FAM135B: variants seen among roughly 807,000 people sequenced by gnomAD.
FAM135B encodes the protein protein FAM135B.
FAM135B carries 43 observed loss-of-function variants against 127.7 expected under a neutral mutation model. The ratio of observed to expected loss-of-function variants is 0.34; its 90% CI spans 0.26 to 0.43. The LOEUF (loss-of-function observed/expected upper bound fraction) is 0.43. Among genes scored for constraint, FAM135B ranks in the 20% least tolerant of loss-of-function variants. FAM135B has a pLI of 1.00. For synonymous variants in FAM135B, 670 were observed against 665.1 expected (o/e 1.01, Z -0.11); for missense variants, 1,558 against 1,725.6 (o/e 0.90, Z 1.72).
chr8:138,258,191 T>C (rs752864461), intron 4 of FAM135B, among the ~76,000 whole-genome samples: 3 of 152,148 alleles, frequency 2.0e-5, no homozygotes, highest in Non-Finnish European at 4.4e-5. Context: ...GCGGAATAAA[T>C]AAAGCTCTTT....
At chr8:138,267,917 G>A (rs888379698) in intron 3 of FAM135B, among the ~76,000 whole-genome samples, 3 of 152,182 alleles carry the variant, frequency 2.0e-5, no homozygotes, top group Non-Finnish European at 4.4e-5. Flanking sequence ...ATGCCTCTCT[G>A]TTTTTACTTG....
intron 1 of FAM135B, among the ~76,000 whole-genome samples, chr8:138,465,240 G>T (rs1208006027): frequency 6.6e-6 from 1 of 152,092 alleles, no homozygotes; most frequent in Non-Finnish European, 1.5e-5. Context: ...AGACCCAAAG[G>T]TCATCTGCCA....
intron 12 of FAM135B, among the ~76,000 whole-genome samples, chr8:138,156,154 G>A (rs4457378): frequency 0.69 from 105,124 of 151,936 alleles, 36,392 homozygotes; most frequent in East Asian, 0.77. Flanking sequence ...ACTCAAAACC[G>A]CTCAACTACA....
At chr8:138,386,085 G>A (rs751590054) in intron 1 of FAM135B, among the ~76,000 whole-genome samples, 1 of 151,860 alleles carries the variant, frequency 6.6e-6, no homozygotes, top group African/African-American at 2.4e-5. Flanking sequence ...GCGTGGTGGT[G>A]CGCACCTGTA....
intron 2 of FAM135B, among the ~76,000 whole-genome samples, chr8:138,330,847 T>G (rs1199238793): frequency 2.0e-5 from 3 of 146,626 alleles, no homozygotes; most frequent in African/African-American, 7.5e-5. Flanking sequence ...AAATGTACAT[T>G]TTTTTTTTTT....
Position 138,343,485 on chromosome 8 carries a change from C to T in FAM135B, c.77+24422G>A, listed in dbSNP as rs114561122. ...TCCCACCTCTGGTCTCTGTTGACAG[C>T]CATGGATGGCTGAACTGAAGCTGCA... On this transcript the variant is annotated intron_variant, in intron 2 of 19. Coordinates refer to ENST00000395297, the MANE Select transcript of FAM135B (RefSeq NM_015912.4). Among the ~76,000 whole-genome samples the T allele has an allele frequency of 7.2e-3, 1,104 of 152,312 alleles. 18 individuals are homozygous for T. Among genetic ancestry groups the T allele is most frequent in the African/African-American group, 0.024 (1,015 of 41,578 alleles).
At chr8:138,201,173 G>T (rs564656642) in intron 7 of FAM135B, among the ~76,000 whole-genome samples, 1 of 152,246 alleles carries the variant, frequency 6.6e-6, no homozygotes, top group African/African-American at 2.4e-5. Context: ...GACTTCAAGC[G>T]GTCCTTAGAA....
intron 2 of FAM135B, among the ~76,000 whole-genome samples, chr8:138,323,450 T>C (rs372212845): frequency 5.7e-4 from 87 of 152,312 alleles, no homozygotes; most frequent in African/African-American, 1.9e-3. Context: ...CTTGGGCTGT[T>C]TGTCTCATCT....
chr8:138,483,424 G>T (rs1226300857), intron 1 of FAM135B, among the ~76,000 whole-genome samples: 1 of 152,174 alleles, frequency 6.6e-6, no homozygotes, highest in African/African-American at 2.4e-5. Context: ...GCTGCTGTGG[G>T]AGCAGAAAGA....
chr8:138,321,443 T>C (rs1827448478), intron 2 of FAM135B, among the ~76,000 whole-genome samples: 1 of 152,142 alleles, frequency 6.6e-6, no homozygotes, highest in African/African-American at 2.4e-5. Context: ...ACTCAAGATG[T>C]AAATGGTAGG....
intron 2 of FAM135B, among the ~76,000 whole-genome samples, chr8:138,360,210 T>G (rs1222757129): frequency 1.3e-5 from 2 of 152,224 alleles, no homozygotes; most frequent in Admixed American, 6.5e-5. Flanking sequence ...TTGAATTCAT[T>G]GTCAAGGACA....
intron 3 of FAM135B, among the ~76,000 whole-genome samples, chr8:138,293,627 C>A (rs1825275494): frequency 6.6e-6 from 1 of 152,034 alleles, no homozygotes; most frequent in Admixed American, 6.6e-5. Flanking sequence ...CACAAATGGC[C>A]AACGAACATA....
chr8:138,300,620 C>T (rs1180333245), intron 3 of FAM135B, among the ~76,000 whole-genome samples: 3 of 152,070 alleles, frequency 2.0e-5, no homozygotes, highest in Non-Finnish European at 2.9e-5. Flanking sequence ...AATTATCCAT[C>T]ATTAGTATCA....
intron 1 of FAM135B, among the ~76,000 whole-genome samples, chr8:138,375,705 T>C (rs1254505085): frequency 1.3e-5 from 2 of 152,186 alleles, no homozygotes; most frequent in African/African-American, 2.4e-5. Flanking sequence ...GCCTTTTCTT[T>C]TGGCATGTGT....
At chr8:138,276,765 G>A (rs1009305281) in intron 3 of FAM135B, among the ~76,000 whole-genome samples, 3 of 152,038 alleles carry the variant, frequency 2.0e-5, no homozygotes, top group Non-Finnish European at 4.4e-5. Context: ...TTGCAGTCTG[G>A]AGCAGGGCAG....
intron 2 of FAM135B, among the ~76,000 whole-genome samples, chr8:138,348,268 GA>G (rs1278554023): frequency 6.6e-6 from 1 of 150,784 alleles, no homozygotes; most frequent in Non-Finnish European, 1.5e-5. Context: ...CCGAGTAGCT[GA>G]GATTACAGGC....
In FAM135B at chr8:138,163,295, T is replaced by C. The variant is rs28630022; in HGVS notation, c.1258+4600A>G. Among the ~76,000 whole-genome samples the C allele has an allele frequency of 9.8e-3, 1,487 of 152,272 alleles. 7 individuals carry two copies. The highest frequency in any genetic ancestry group is 0.017 in the Non-Finnish European group (1,158 of 68,000). On this transcript the variant is annotated intron_variant, in intron 12 of 19. Coordinates refer to ENST00000395297, the MANE Select transcript of FAM135B (RefSeq NM_015912.4). Reference sequence around the variant, plus strand: ...ACAATCTGGCTAACTCTTCAGGCTTTAGGCGAACCTCCCAATTGTCTTGGG... The same window carrying C: ...ACAATCTGGCTAACTCTTCAGGCTTCAGGCGAACCTCCCAATTGTCTTGGG...
At chr8:138,454,080 G>A (rs1352276959) in intron 1 of FAM135B, among the ~76,000 whole-genome samples, 2 of 152,034 alleles carry the variant, frequency 1.3e-5, no homozygotes, top group Admixed American at 6.6e-5. Context: ...GTCCAGACGG[G>A]ATGCAGGAGA....
intron 4 of FAM135B, among the ~76,000 whole-genome samples, chr8:138,262,292 C>A (rs1268192645): frequency 3.9e-5 from 6 of 152,144 alleles, no homozygotes; most frequent in Non-Finnish European, 7.3e-5. Context: ...GAATAATGCC[C>A]AAACCCAGCC....
Sources: allele counts gnomAD v4.1 joint callset (sites outside exome capture counted in the v4.1 genomes callset), GRCh38; gene constraint gnomAD v4.1.1; transcripts MANE v1.5; gene names NCBI Gene and HGNC (gene_info 2026-07-23, HGNC 2026-07-21).